NKAIN2: variants seen among roughly 807,000 people sequenced by gnomAD.
NKAIN2 encodes sodium/potassium transporting ATPase interacting 2.
A neutral mutation model predicts 32.6 loss-of-function variants in NKAIN2; 14 were observed. That is an observed-to-expected ratio of 0.43 (90% CI 0.28 to 0.67). NKAIN2 has a LOEUF of 0.67. Ranked by LOEUF, NKAIN2 falls within the 30% of genes least tolerant of loss-of-function variation. NKAIN2 has a pLI of 0.17. For missense variants in NKAIN2, 198 were observed against 258.3 expected (o/e 0.77, Z 1.60); for synonymous variants, 80 against 87.2 (o/e 0.92, Z 0.46).
At chr6:124,511,044 C>T (rs915612246) in intron 3 of NKAIN2, among the ~76,000 whole-genome samples, 12 of 151,992 alleles carry the variant, frequency 7.9e-5, no homozygotes, top group African/African-American at 2.7e-4. Flanking sequence ...CTATGTGCTA[C>T]CCAGGACAGA....
rs57323860 is a variant in NKAIN2 at position 123,977,212 on chromosome 6, A to G, written c.54+172958A>G. ...GCTGGTCTTGAACTCCTTAACATTA[A>G]CAGTAATATTGACTTTAAATCAGTA... is the stretch of plus-strand genomic sequence containing the variant. On this transcript the variant is annotated intron_variant, in intron 1 of 6. Transcript: ENST00000368417. 3.3e-5 allele frequency among the ~76,000 whole-genome samples: 5 copies of G among 152,202 alleles called. No individual in the cohort carries two copies. The East Asian group carries it at 9.7e-4, about 29-fold the overall frequency.
chr6:123,991,214 C>T (rs1243111290), intron 1 of NKAIN2, among the ~76,000 whole-genome samples: 6 of 152,146 alleles, frequency 3.9e-5, no homozygotes, highest in Admixed American at 2.0e-4. Flanking sequence ...CAGCTTAAAA[C>T]TCTACAATTA....
intron 3 of NKAIN2, among the ~76,000 whole-genome samples, chr6:124,495,323 A>G (rs1279888138): frequency 6.6e-6 from 1 of 152,042 alleles, no homozygotes; most frequent in Admixed American, 6.6e-5. Context: ...TTTTGCTTCT[A>G]TATATTTCTA....
At chr6:124,651,407 C>T (rs1317550546) in intron 3 of NKAIN2, among the ~76,000 whole-genome samples, 1 of 152,192 alleles carries the variant, frequency 6.6e-6, no homozygotes, top group African/African-American at 2.4e-5. Context: ...ACCTGTATTC[C>T]ACTAATCATT....
intron 4 of NKAIN2, among the ~76,000 whole-genome samples, chr6:124,668,379 A>G (rs1180770280): frequency 1.3e-5 from 2 of 152,062 alleles, no homozygotes; most frequent in African/African-American, 4.8e-5. Context: ...TTGATTTCCA[A>G]TAGCTCTACC....
chr6:123,871,083 G>T (rs528433476), intron 1 of NKAIN2, among the ~76,000 whole-genome samples: 3 of 152,066 alleles, frequency 2.0e-5, no homozygotes, highest in African/African-American at 7.2e-5. Context: ...ACAAGAACTG[G>T]GGATTTGGCT....
At chr6:124,412,565 G>A (rs1218338752) in intron 3 of NKAIN2, among the ~76,000 whole-genome samples, 9 of 152,154 alleles carry the variant, frequency 5.9e-5, no homozygotes, top group East Asian at 1.9e-4. Flanking sequence ...CCGGCCGTGC[G>A]AGGTGTCAGT....
In NKAIN2 at chr6:123,812,718, A is replaced by G. The variant is rs9490941; in HGVS notation, c.54+8464A>G. Among the ~76,000 whole-genome samples the G allele has an allele frequency of 1.8e-4, 28 of 152,170 alleles. 1 individual carries two copies. The highest frequency in any genetic ancestry group is 3.5e-4 in the Non-Finnish European group (24 of 68,028). ...GCTAGCTTTTCCAGCATCTCAGCCT[A>G]CATATTTGCCTTAGGCGGGGGAGTG... On this transcript the variant is annotated intron_variant, in intron 1 of 6. Transcript: ENST00000368417.
At chr6:123,938,586 GTTTTTATATATTATATATA>G (rs1235813774) in intron 1 of NKAIN2, among the ~76,000 whole-genome samples, 29 of 120,200 alleles carry the variant, frequency 2.4e-4, no homozygotes, top group African/African-American at 4.3e-4. Flanking sequence ...TATTTATATA[GTTTTTATATATTATATATA>G]TTTTTATATA....
At chr6:124,229,031 G>A (rs904274375) in intron 1 of NKAIN2, among the ~76,000 whole-genome samples, 38 of 152,230 alleles carry the variant, frequency 2.5e-4, no homozygotes, top group African/African-American at 8.4e-4. Context: ...TGGCACAATT[G>A]AAGGTGTGTT....
intron 3 of NKAIN2, among the ~76,000 whole-genome samples, chr6:124,453,565 T>C (rs1298188850): frequency 6.6e-6 from 1 of 151,854 alleles, no homozygotes; most frequent in Non-Finnish European, 1.5e-5. Context: ...TCCTTTCCAA[T>C]ATGCAGCATT....
chr6:124,726,435 C>G (rs1225557920), intron 4 of NKAIN2, among the ~76,000 whole-genome samples: 1 of 152,042 alleles, frequency 6.6e-6, no homozygotes, highest in African/African-American at 2.4e-5. Flanking sequence ...GAGGCACCCC[C>G]CAGCAGGGGC....
At position 124,283,118 on chromosome 6, in the gene NKAIN2, A is replaced by G. The variant is rs1473058599; in HGVS notation, c.168A>G (p.Gln56=). 5 of 1,609,670 alleles carry G rather than the reference A, an allele frequency of 3.1e-6. No homozygotes were observed. The highest frequency in any genetic ancestry group is 1.3e-5 in the African/African-American group (1 of 74,844). ...IVILGLFGTI[Q]YRPRYITGYA... is the part of the protein sequence containing the mutation. ...TTCTTGGTTTGTTTGGAACTATTCAATATAGACCTCGTTACATAACAGGAG... is the reference window on the plus strand; with the variant it reads ...TTCTTGGTTTGTTTGGAACTATTCAGTATAGACCTCGTTACATAACAGGAG... Residue 56 remains glutamine, a synonymous_variant, in exon 2 of 7, where the codon CAA becomes CAG. Coordinates refer to ENST00000368417, the MANE Select transcript of NKAIN2 (RefSeq NM_001040214.3).
intron 1 of NKAIN2, among the ~76,000 whole-genome samples, chr6:123,840,131 G>A (rs887900325): frequency 2.0e-5 from 3 of 151,938 alleles, no homozygotes; most frequent in African/African-American, 4.8e-5. Context: ...AGTATGGCAG[G>A]AACAGTAATT....
intron 1 of NKAIN2, among the ~76,000 whole-genome samples, chr6:123,869,594 G>A (rs1037072004): frequency 1.4e-4 from 21 of 152,168 alleles, no homozygotes; most frequent in African/African-American, 5.1e-4. Flanking sequence ...ACAGGGACAC[G>A]TTTGAAGTCA....
intron 4 of NKAIN2, among the ~76,000 whole-genome samples, chr6:124,749,100 T>G (rs1777591606): frequency 6.6e-6 from 1 of 151,892 alleles, no homozygotes. Context: ...TTTGAGGTTG[T>G]GTCACTGAGT....
At chr6:124,305,753 T>C (rs2114988249) in intron 2 of NKAIN2, among the ~76,000 whole-genome samples, 1 of 152,328 alleles carries the variant, frequency 6.6e-6, no homozygotes, top group Non-Finnish European at 1.5e-5. Flanking sequence ...GACATTTTCT[T>C]GCTGTTAGGC....
chr6:123,883,658 T>TTA lies in NKAIN2; in HGVS notation c.54+79404_54+79405insTA, dbSNP rs577012613. ...CTCTTTTTTAAAAAAAAATTTTTTT[T>TTA]AAAATTTTAAAAAACCTCTTTAAAA... is the stretch of plus-strand genomic sequence containing the variant. On this transcript the variant is annotated intron_variant, in intron 1 of 6. Coordinates refer to ENST00000368417, the MANE Select transcript of NKAIN2 (RefSeq NM_001040214.3). Among the ~76,000 whole-genome samples, 289 of 145,328 alleles carry TTA rather than the reference T, an allele frequency of 2.0e-3. 2 individuals carry two copies. Among genetic ancestry groups the TTA allele is most frequent in the African/African-American group, 6.4e-3 (247 of 38,780 alleles).
At chr6:123,919,438 G>T (rs948720256) in intron 1 of NKAIN2, among the ~76,000 whole-genome samples, 1 of 151,942 alleles carries the variant, frequency 6.6e-6, no homozygotes, top group African/African-American at 2.4e-5. Flanking sequence ...TCTAAATATA[G>T]AACAGTTACT....
Sources: gnomAD v4.1 joint callset for allele counts (sites outside exome capture counted in the v4.1 genomes callset) on GRCh38, gnomAD v4.1.1 for gene constraint, MANE v1.5 for transcripts, NCBI Gene and HGNC (gene_info 2026-07-23, HGNC 2026-07-21) for gene names.